Variants in FCRL6 observed in about 807,000 individuals in gnomAD.
The protein encoded by FCRL6 is Fc receptor like 6, also known as Fc receptor-like protein 6.
Under a neutral mutation model 49.1 loss-of-function variants are expected in FCRL6, and 50 were observed. The ratio of observed to expected loss-of-function variants is 1.02; its 90% CI spans 0.81 to 1.29. The LOEUF is 1.29. Among genes scored for constraint, FCRL6 ranks in the 50% most tolerant of loss-of-function variants. The pLI, the probability that FCRL6 is intolerant of heterozygous loss-of-function variation, is 0.00. For synonymous variants in FCRL6, 213 were observed against 199.6 expected, an observed-to-expected ratio of 1.07 and a Z score of -0.57; for missense variants, 571 against 518.5, an observed-to-expected ratio of 1.10 and a Z score of -0.98.
chr1:159,807,211 T>G (rs1208654047), intron 2 of FCRL6, among the ~76,000 whole-genome samples: 1 of 152,250 alleles, frequency 6.6e-6, no homozygotes, highest in African/African-American at 2.4e-5. Context: ...TGTTCGGTAA[T>G]GCGGTGAGCA....
chr1:159,808,957 C>T lies in FCRL6; in HGVS notation c.320-4C>T. On this transcript the variant is annotated splice_region_variant and splice_polypyrimidine_tract_variant and intron_variant, in intron 3 of 9. Transcript: ENST00000368106. ...TCCTGAGTCCTGGGCCTGCATCTCCCCAGAGCTGTTTCCACCTCCTGTGCT... is the reference window on the plus strand; with the variant it reads ...TCCTGAGTCCTGGGCCTGCATCTCCTCAGAGCTGTTTCCACCTCCTGTGCT... 1.9e-6 allele frequency: 3 copies of T among 1,598,906 alleles called. No homozygotes were observed. Among genetic ancestry groups the T allele is most frequent in the Non-Finnish European group, 2.6e-6 (3 of 1,171,870 alleles).
chr1:159,807,882 G>A (rs1019762614), intron 2 of FCRL6, among the ~76,000 whole-genome samples: 2 of 151,888 alleles, frequency 1.3e-5, no homozygotes, highest in Non-Finnish European at 2.9e-5. Flanking sequence ...CAAGGAGGGT[G>A]GGTGGGAGGA....
chr1:159,804,479 C>A (rs191079821), intron 1 of FCRL6, among the ~76,000 whole-genome samples: 1 of 152,208 alleles, frequency 6.6e-6, no homozygotes, highest in South Asian at 2.1e-4. Flanking sequence ...AATTCTATTA[C>A]GCAACTTGGT....
At chr1:159,801,417 T>C (rs960790755), upstream of FCRL6, among the ~76,000 whole-genome samples, 1 of 152,216 alleles carries the variant, frequency 6.6e-6, no homozygotes, top group Non-Finnish European at 1.5e-5. Context: ...CAATACTCAG[T>C]AGAGGATTGC....
Position 159,814,254 on chromosome 1 carries a change from T to A in FCRL6, c.1109T>A (p.Val370Asp). Residue 370 changes from valine (V) to aspartate (D), a missense_variant, in exon 8 of 10, where the codon GTC becomes GAC. By Grantham distance (152) the Val-to-Asp change is radical. Coordinates refer to ENST00000368106, the MANE Select transcript of FCRL6 (RefSeq NM_001004310.3). ...HHQKGKDEGV[V>D]YSVVHRTSKR... ...CAGAAAGGGAAAGATGAAGGTGTTG[T>A]CTACTCTGTGGTGCATAGAACCTCA... 1 of 1,614,182 alleles carries A rather than the reference T, an allele frequency of 6.2e-7. No individual in the cohort carries two copies. Among genetic ancestry groups the A allele is most frequent in the South Asian group, 1.1e-5 (1 of 91,084 alleles).
At chr1:159,815,290 TGAG>T in intron 8 of FCRL6, 135 bp from the exon 9 acceptor site, 2 of 816,132 alleles carry the variant, frequency 2.5e-6, no homozygotes, top group Non-Finnish European at 3.9e-6. Flanking sequence ...AATTCCAGGT[TGAG>T]GAGGAGTGAA....
upstream of FCRL6, chr1:159,802,286 T>A (rs975540910): frequency 1.7e-5 from 12 of 702,302 alleles, no homozygotes; most frequent in African/African-American, 3.6e-5. Context: ...TTCCACTTCC[T>A]ATTTTGGCTA....
Position 159,808,386 on chromosome 1 carries a change from G to A in FCRL6, c.261G>A (p.Val87=), listed in dbSNP as rs747038435. The change falls in exon 3 of 10, where the codon GTG becomes GTA. Residue 87 remains valine (V), a synonymous_variant. Coordinates refer to ENST00000368106, the MANE Select transcript of FCRL6 (RefSeq NM_001004310.3). ...SRGQYSCSGQ[V]MYIPQTFTQT... ...GCCAGTACAGCTGCTCTGGGCAGGT[G>A]ATGTATATTCCACAGACATTCACAC... The A allele has an allele frequency of 6.2e-7, 1 of 1,614,218 alleles. No homozygotes were observed. Among genetic ancestry groups the A allele is most frequent in the Admixed American group, 1.7e-5 (1 of 60,034 alleles).
intron 8 of FCRL6, among the ~76,000 whole-genome samples, chr1:159,814,971 A>G (rs1365613105): frequency 5.3e-5 from 8 of 152,250 alleles, no homozygotes. Context: ...GCTTTGCAGG[A>G]CTACTGTAAG....
At chr1:159,808,600 A>G in intron 3 of FCRL6, 156 bp downstream of exon 3, 1 of 764,060 alleles carries the variant, frequency 1.3e-6, no homozygotes, top group South Asian at 1.7e-5. Flanking sequence ...ATGTTGTCTC[A>G]ATACCCCCCT....
chr1:159,815,796 C>T lies in FCRL6; in HGVS notation c.*135C>T. 8.9e-7 allele frequency: 1 copy of T among 1,120,182 alleles called. No individual in the cohort carries two copies. The highest frequency in any genetic ancestry group is 2.5e-5 in the East Asian group (1 of 39,750). 69.4% of individuals were successfully genotyped at this position (1,120,182 alleles called of 1,614,324 possible). ...ATCACAGAGCCCCCTGAGCCCTTGT[C>T]CTGGTCAGGAGCACCTGAACCCTGG... On this transcript the variant is annotated 3_prime_UTR_variant, in exon 10 of 10. Transcript: ENST00000368106.
At chr1:159,801,466 C>T (rs1051290681), upstream of FCRL6, among the ~76,000 whole-genome samples, 1 of 152,224 alleles carries the variant, frequency 6.6e-6, no homozygotes, top group African/African-American at 2.4e-5. Flanking sequence ...CCAGCTCAGT[C>T]TCAGCTGGTA....
Position 159,809,069 on chromosome 1 carries a change from T to A in FCRL6, c.428T>A (p.Leu143Ter). 1.2e-6 allele frequency: 2 copies of A among 1,614,026 alleles called. No homozygotes were observed. The highest frequency in any genetic ancestry group is 1.7e-6 in the Non-Finnish European group (2 of 1,179,960). Residue 143 changes from leucine (L) to a stop codon, truncating the protein, a stop_gained, in exon 4 of 10, where the codon TTG becomes TAG. Coordinates refer to ENST00000368106, the MANE Select transcript of FCRL6 (RefSeq NM_001004310.3). LOFTEE classifies it high-confidence loss of function. ...AAGCTGCACCCCCTGAGGTCAGCCTTGAGGCTCCTTTTCTCCTTCCACAAG... is the reference window on the plus strand; with the variant it reads ...AAGCTGCACCCCCTGAGGTCAGCCTAGAGGCTCCTTTTCTCCTTCCACAAG... ...QTKLHPLRSA[L>*]RLLFSFHKDG...
upstream of FCRL6, chr1:159,802,221 T>G: frequency 1.8e-6 from 1 of 548,874 alleles, no homozygotes. Context: ...AATTTATTCA[T>G]GTAATACTTC....
upstream of FCRL6, chr1:159,800,568 G>A: frequency 6.5e-7 from 1 of 1,548,650 alleles, no homozygotes; most frequent in Admixed American, 2.0e-5. Context: ...GAGATCTGTT[G>A]GAAAGAGAAC....
At chr1:159,800,538 C>A, upstream of FCRL6, 3 of 1,495,920 alleles carry the variant, frequency 2.0e-6, no homozygotes, top group East Asian at 2.5e-5. Context: ...TGCAGCTGAA[C>A]GAAGTTGAAG....
intron 3 of FCRL6, 75 bp downstream of exon 3, chr1:159,808,519 T>A (rs760273352): frequency 7.7e-6 from 12 of 1,567,512 alleles, no homozygotes; most frequent in Admixed American, 1.7e-5. Context: ...TCAGTAGCTC[T>A]CTGGGCTGGA....
intron 6 of FCRL6, among the ~76,000 whole-genome samples, chr1:159,812,298 C>A (rs1663136395): frequency 6.6e-6 from 1 of 152,242 alleles, no homozygotes; most frequent in Admixed American, 6.5e-5. Flanking sequence ...GTTCTCCACA[C>A]CCAGCTCTGG....
At position 159,808,977 on chromosome 1, in the gene FCRL6, T is replaced by C; in HGVS notation, c.336T>C (p.Pro112=). 2.5e-6 allele frequency: 4 copies of C among 1,610,862 alleles called. No individual in the cohort carries two copies. In the South Asian group the frequency reaches 4.4e-5, roughly 18 times the overall value. Residue 112 remains proline (P), a synonymous_variant, in exon 4 of 10, where the codon CCT becomes CCC. Coordinates refer to ENST00000368106, the MANE Select transcript of FCRL6 (RefSeq NM_001004310.3). The part of the protein sequence containing the change: ...MVQVQELFPP[P]VLSAIPSPEP... ...TCTCCCCAGAGCTGTTTCCACCTCC[T>C]GTGCTGAGTGCCATCCCCTCTCCTG...
Sources: allele counts gnomAD v4.1 joint callset (sites outside exome capture counted in the v4.1 genomes callset), GRCh38; gene constraint gnomAD v4.1.1; transcripts MANE v1.5; gene names NCBI Gene and HGNC (gene_info 2026-07-23, HGNC 2026-07-21).